SLITRK2: variants seen among roughly 807,000 people sequenced by gnomAD.
The protein encoded by SLITRK2 is SLIT and NTRK like family member 2.
A neutral mutation model predicts 35.4 loss-of-function variants in SLITRK2; 13 were observed. The ratio of observed to expected loss-of-function variants is 0.37; its 90% CI spans 0.24 to 0.58. The LOEUF (loss-of-function observed/expected upper bound fraction) is 0.58, where lower values mean the gene tolerates loss of function less well. Among genes scored for constraint, SLITRK2 ranks in the 20% least tolerant of loss-of-function variants. SLITRK2 has a pLI of 0.75. For missense variants in SLITRK2, 471 were observed against 634.3 expected, an observed-to-expected ratio of 0.74 and a Z score of 2.76; for synonymous variants, 294 against 264.7, an observed-to-expected ratio of 1.11 and a Z score of -1.07.
At position 145,825,542 on chromosome X, in the gene SLITRK2, T is replaced by G. The variant is rs2073114383; in HGVS notation, c.*579T>G. On this transcript the variant is annotated 3_prime_UTR_variant, in exon 5 of 5. Transcript: ENST00000335565. ...TAAGTACATTACTTAAATGTTGCTT[T>G]TAGCTTTGATAAATTGAAAATATTT... 1 of 123,621 alleles carries G rather than the reference T, an allele frequency of 8.1e-6. No individual in the cohort carries two copies. The highest frequency in any genetic ancestry group is 1.9e-5 in the Non-Finnish European group (1 of 53,297). The allele number at this position is 123,621 out of a possible 1,213,427, so 10.2% of individuals were successfully genotyped here.
At chrX:145,821,310 G>T (rs1269334704) in intron 2 of SLITRK2, 38 bp from the exon 3 acceptor site, 6 of 109,545 alleles carry the variant, frequency 5.5e-5, no homozygotes, top group African/African-American at 2.0e-4. Context: ...CCCTCCTTGA[G>T]AAACCCCTCT....
chrX:145,824,829 G>A lies in SLITRK2; in HGVS notation c.2404G>A (p.Val802Ile), dbSNP rs1556945284. Reference protein sequence around the residue: ...RQNQDRINKTVLYGTPRKCFV... With the variant: ...RQNQDRINKTILYGTPRKCFV... ...AAACCAAGACAGAATCAATAAAACC[G>A]TTTTATATGGAACTCCCAGGAAATG... The change falls in exon 5 of 5, where the codon GTT becomes ATT. Residue 802 changes from valine (V) to isoleucine (I), a missense_variant. Val to Ile is a conservative substitution (Grantham distance 29). Transcript: ENST00000335565. 10 of 1,211,489 alleles carry A rather than the reference G, an allele frequency of 8.3e-6. No homozygotes were observed. The East Asian group carries it at 8.9e-5, about 11-fold the overall frequency.
rs2073055591 is a variant in SLITRK2, at chrX:145,823,185, G to A, written c.760G>A (p.Val254Met). 2.0e-5 allele frequency: 24 copies of A among 1,209,363 alleles called. No individual in the cohort carries two copies. Among genetic ancestry groups the A allele is most frequent in the Non-Finnish European group, 2.5e-5 (22 of 895,100 alleles). ...ETPFRLHGKD[V>M]TQLTRQDLCP... ...TCCCTTTAGGTTGCATGGGAAAGAC[G>A]TGACCCAGCTGACCAGGCAAGACCT... The change falls in exon 5 of 5, where the codon GTG (valine) becomes ATG (methionine). Residue 254 changes from valine to methionine, a missense_variant. By Grantham distance (21) the Val-to-Met change is conservative. This residue lies in a region of SLITRK2 where 3 missense variants were observed against 18.3 expected (regional missense o/e 0.16). Coordinates refer to ENST00000335565, the MANE Select transcript of SLITRK2 (RefSeq NM_032539.5).
Position 145,828,488 on chromosome X carries a change from T to C in SLITRK2, c.*3525T>C, listed in dbSNP as rs1453828841. On this transcript the variant is annotated 3_prime_UTR_variant, in exon 5 of 5. Coordinates refer to ENST00000335565, the MANE Select transcript of SLITRK2 (RefSeq NM_032539.5). ...CATTCATTTGTTCATTCAGTAGTTA[T>C]TGAGTGCTTATTTCCTGGGTGCCTG... is the stretch of plus-strand genomic sequence containing the variant. The C allele has an allele frequency of 2.4e-5, 3 of 124,869 alleles. No individual in the cohort carries two copies. Among genetic ancestry groups the C allele is most frequent in the African/African-American group, 6.5e-5 (2 of 30,675 alleles). 10.3% of individuals were successfully genotyped at this position (124,869 alleles called of 1,213,427 possible).
rs1556945973 is a variant in SLITRK2 at position 145,826,785 on chromosome X, G to A, written c.*1822G>A. The A allele has an allele frequency of 9.0e-6, 1 of 111,594 alleles. No homozygotes were observed. 9.2% of individuals were successfully genotyped at this position (111,594 alleles called of 1,213,427 possible). On this transcript the variant is annotated 3_prime_UTR_variant, in exon 5 of 5. Coordinates refer to ENST00000335565, the MANE Select transcript of SLITRK2 (RefSeq NM_032539.5). The stretch of plus-strand genomic sequence containing the variant: ...TTTATCGTCATGTGGAGATTGAAGT[G>A]GATACTGATAACTTACTTTTAAAGC...
intron 1 of SLITRK2, chrX:145,819,777 T>C (rs1341481994): frequency 9.0e-6 from 1 of 111,658 alleles, no homozygotes; most frequent in Admixed American, 9.5e-5. Flanking sequence ...CCCTTCTCTA[T>C]GGAGAAGGAA....
chrX:145,823,948 A>G lies in SLITRK2; in HGVS notation c.1523A>G (p.His508Arg), dbSNP rs1556944533. The change falls in exon 5 of 5, where the codon CAC becomes CGC. Residue 508 changes from histidine (H) to arginine (R), a missense_variant. His to Arg is a conservative substitution (Grantham distance 29). Around this residue, in one of 7 missense-constraint regions of SLITRK2, gnomAD observed 92 missense variants for 184.2 expected, o/e 0.50. Transcript: ENST00000335565. ...RLNLRNNHFSHLPVKGVLDQL... is the reference protein window; with the variant it reads ...RLNLRNNHFSRLPVKGVLDQL... ...AATCTGAGAAACAACCATTTTTCTC[A>G]CCTGCCCGTGAAAGGGGTTCTGGAT... The G allele has an allele frequency of 8.3e-7, 1 of 1,211,306 alleles. No homozygotes were observed. The highest frequency in any genetic ancestry group is 1.8e-5 in the South Asian group (1 of 56,896).
rs2124187617 is a variant in SLITRK2, at chrX:145,823,922, G to C, written c.1497G>C (p.Leu499=). 1 of 1,211,501 alleles carries C rather than the reference G, an allele frequency of 8.3e-7. No individual in the cohort carries two copies. The highest frequency in any genetic ancestry group is 1.1e-6 in the Non-Finnish European group (1 of 895,442). Residue 499 remains leucine (L), a synonymous_variant, in exon 5 of 5, where the codon CTG becomes CTC. Transcript: ENST00000335565. ...NIFGGTALTR[L]NLRNNHFSHL... Reference sequence around the variant, plus strand: ...TTGGGGGGACGGCCCTAACCAGGCTGAATCTGAGAAACAACCATTTTTCTC... The same window carrying C: ...TTGGGGGGACGGCCCTAACCAGGCTCAATCTGAGAAACAACCATTTTTCTC...
chrX:145,818,531 G>A (rs1274486980), intron 1 of SLITRK2: 3 of 112,975 alleles, frequency 2.7e-5, no homozygotes, highest in African/African-American at 3.2e-5. Context: ...GATTCGACCC[G>A]GCTTGCGGGC....
intron 1 of SLITRK2, chrX:145,819,454 G>A (rs2072955360): frequency 8.9e-6 from 1 of 111,858 alleles, no homozygotes; most frequent in African/African-American, 3.3e-5. Flanking sequence ...CCCTGGTTAA[G>A]AAATGACCTC....
rs963716839 is a variant in SLITRK2, at chrX:145,828,594, C to G, written c.*3631C>G. On this transcript the variant is annotated 3_prime_UTR_variant, in exon 5 of 5. Coordinates refer to ENST00000335565, the MANE Select transcript of SLITRK2 (RefSeq NM_032539.5). Reference sequence around the variant, plus strand: ...CACCCTCTTCACCCTCCACGCCACCCCCTACTACTCACTCTCACCCTAGCA... The same window carrying G: ...CACCCTCTTCACCCTCCACGCCACCGCCTACTACTCACTCTCACCCTAGCA... The G allele has an allele frequency of 8.2e-6, 1 of 122,572 alleles. No individual in the cohort carries two copies. Among genetic ancestry groups the G allele is most frequent in the Non-Finnish European group, 1.9e-5 (1 of 53,203 alleles). 10.1% of individuals were successfully genotyped at this position (122,572 alleles called of 1,213,427 possible). A position where few individuals can be genotyped will look rare whatever the true frequency, so the allele number is the denominator to read the frequency against.
At position 145,829,371 on chromosome X, in the gene SLITRK2, C is replaced by G. The variant is rs574451560; in HGVS notation, c.*4408C>G. On this transcript the variant is annotated 3_prime_UTR_variant, in exon 5 of 5. Transcript: ENST00000335565. ...CGACTTTGCTTAAAACAGAGCCCAC[C>G]TGCATAGTAACTGTGTTTTGCCAAG... 4.1e-4 allele frequency: 51 copies of G among 123,486 alleles called. No individual in the cohort carries two copies. In the Middle Eastern group the frequency reaches 0.018, roughly 44 times the overall value. The allele number at this position is 123,486 out of a possible 1,213,427, so 10.2% of individuals were successfully genotyped here.
rs370861051 is a variant in SLITRK2, at chrX:145,827,829, C to T, written c.*2866C>T. On this transcript the variant is annotated 3_prime_UTR_variant, in exon 5 of 5. Coordinates refer to ENST00000335565, the MANE Select transcript of SLITRK2 (RefSeq NM_032539.5). ...TTTGCTTTATCTGCTCAAGCACTTT[C>T]GACCATATTTTATTTTAGGATTTTT... The T allele has an allele frequency of 2.9e-5, 35 of 1,210,267 alleles. No homozygotes were observed. The highest frequency in any genetic ancestry group is 2.6e-4 in the African/African-American group (15 of 57,283).
Position 145,822,738 on chromosome X carries a change from G to A in SLITRK2, c.313G>A (p.Ala105Thr), listed in dbSNP as rs1382999990. The A allele has an allele frequency of 1.7e-6, 2 of 1,211,032 alleles. No homozygotes were observed. Among genetic ancestry groups the A allele is most frequent in the South Asian group, 3.5e-5 (2 of 56,889 alleles). Residue 105 changes from alanine to threonine, a missense_variant, in exon 5 of 5, where the codon GCA becomes ACA. Around this residue, in one of 7 missense-constraint regions of SLITRK2, gnomAD observed 98 missense variants for 120.6 expected, o/e 0.81. Coordinates refer to ENST00000335565, the MANE Select transcript of SLITRK2 (RefSeq NM_032539.5). ...CGGGTTACAGGAGATCCGAACGGGG[G>A]CATTCAGTGGCCTGAAAACTCTCAA... is the stretch of plus-strand genomic sequence containing the variant. ...NNGLQEIRTG[A>T]FSGLKTLKRL...
rs1033434619 is a variant in SLITRK2 at position 145,824,833 on chromosome X, T to C, written c.2408T>C (p.Leu803Ser). Residue 803 changes from leucine (L) to serine (S), a missense_variant, in exon 5 of 5, where the codon TTA becomes TCA. This residue lies in a region of SLITRK2 where 190 missense variants were observed against 199.3 expected (regional missense o/e 0.95). Transcript: ENST00000335565. ...CAAGACAGAATCAATAAAACCGTTT[T>C]ATATGGAACTCCCAGGAAATGCTTT... The part of the protein sequence containing the change: ...QNQDRINKTV[L>S]YGTPRKCFVG... The C allele has an allele frequency of 1.7e-6, 2 of 1,211,639 alleles. No homozygotes were observed. Among genetic ancestry groups the C allele is most frequent in the Non-Finnish European group, 2.2e-6 (2 of 895,572 alleles).
In SLITRK2 at chrX:145,823,353, C is replaced by A. The variant is rs2124172229; in HGVS notation, c.928C>A (p.Arg310Ser). ...KASRPPKMRN[R>S]PTPRVTVSKD... The stretch of plus-strand genomic sequence containing the variant: ...CAGCCGGCCGCCCAAAATGAGAAAT[C>A]GTCCAACTCCTCGAGTGACTGTGTC... Residue 310 changes from arginine to serine, a missense_variant, in exon 5 of 5, where the codon CGT becomes AGT. Physicochemically the swap from Arg to Ser is moderately radical, Grantham distance 110. Transcript: ENST00000335565. 1.7e-6 allele frequency: 2 copies of A among 1,211,146 alleles called. No individual in the cohort carries two copies. Among genetic ancestry groups the A allele is most frequent in the Non-Finnish European group, 2.2e-6 (2 of 895,165 alleles).
rs2073152906 is a variant in SLITRK2 at position 145,829,301 on chromosome X, ACCATTCT to A, written c.*4340_*4346del. 1 of 123,978 alleles carries A rather than the reference ACCATTCT, an allele frequency of 8.1e-6. No homozygotes were observed. The highest frequency in any genetic ancestry group is 1.9e-5 in the Non-Finnish European group (1 of 53,448). The allele number at this position is 123,978 out of a possible 1,213,427, so 10.2% of individuals were successfully genotyped here. On this transcript the variant is annotated 3_prime_UTR_variant, in exon 5 of 5. Coordinates refer to ENST00000335565, the MANE Select transcript of SLITRK2 (RefSeq NM_032539.5). Reference sequence around the variant, plus strand: ...AGAAAACCATTTTATAATACAAATAACCATTCTCTGATTTATCTCTTTTGTATGTTTG... The same window carrying A: ...AGAAAACCATTTTATAATACAAATAACTGATTTATCTCTTTTGTATGTTTG...
At chrX:145,818,191 A>G (rs2072919929) in intron 1 of SLITRK2, 165 bp downstream of exon 1, 2 of 110,189 alleles carry the variant, frequency 1.8e-5, no homozygotes, top group Admixed American at 1.9e-4. Flanking sequence ...TCTACCCTCA[A>G]TCCCCACTGG....
In SLITRK2 at chrX:145,824,192, C is replaced by T. The variant is rs782773946; in HGVS notation, c.1767C>T (p.Val589=). 3 of 1,210,380 alleles carry T rather than the reference C, an allele frequency of 2.5e-6. No individual in the cohort carries two copies. The highest frequency in any genetic ancestry group is 1.7e-5 in the African/African-American group (1 of 57,719). Residue 589 remains valine, a synonymous_variant, in exon 5 of 5, where the codon GTC becomes GTT. Coordinates refer to ENST00000335565, the MANE Select transcript of SLITRK2 (RefSeq NM_032539.5). ...PDSPNLSDGT[V]LSMNHNTDTP... is the part of the protein sequence containing the mutation. ...GCCCAAACTTGTCAGATGGAACCGT[C>T]TTGTCAATGAATCACAATACAGACA...
Sources: allele counts gnomAD v4.1 joint callset, GRCh38; gene constraint gnomAD v4.1.1; regional missense constraint gnomAD v4.1.1; transcripts MANE v1.5; gene names NCBI Gene and HGNC (gene_info 2026-07-23, HGNC 2026-07-21).